Variants in MYO5B observed in about 807,000 individuals in gnomAD.
The protein encoded by MYO5B is myosin VB.
MYO5B carries 143 observed loss-of-function variants against 229.3 expected under a neutral mutation model. The observed-to-expected ratio is 0.62, with a 90% CI of 0.54 to 0.72. The LOEUF (loss-of-function observed/expected upper bound fraction) is 0.72. Among genes scored for constraint, MYO5B ranks in the 30% least tolerant of loss-of-function variants. MYO5B has a pLI of 0.00. For missense variants in MYO5B, 2,321 were observed against 2,331.0 expected (o/e 1.00, Z 0.09); for synonymous variants, 918 against 885.2 (o/e 1.04, Z -0.66).
At chr18:49,978,443 G>A (rs1302690346) in intron 9 of MYO5B, among the ~76,000 whole-genome samples, 7 of 151,842 alleles carry the variant, frequency 4.6e-5, no homozygotes, top group East Asian at 1.9e-4. Context: ...AGGTGTCCAC[G>A]GACTCCCCAG....
intron 1 of MYO5B, among the ~76,000 whole-genome samples, chr18:50,096,294 C>G (rs2031549158): frequency 6.6e-6 from 1 of 152,200 alleles, no homozygotes; most frequent in Non-Finnish European, 1.5e-5. Flanking sequence ...ACCCAACATC[C>G]AAGCCATCCC....
intron 1 of MYO5B, among the ~76,000 whole-genome samples, chr18:50,164,885 G>A: frequency 6.6e-6 from 1 of 152,210 alleles, no homozygotes; most frequent in East Asian, 1.9e-4. Flanking sequence ...AGCTGAAGTT[G>A]AGTTAAGAAA....
chr18:49,934,174 C>T (rs1568036633), intron 16 of MYO5B, among the ~76,000 whole-genome samples: 1 of 152,244 alleles, frequency 6.6e-6, no homozygotes. Flanking sequence ...CCACACCAGG[C>T]CCTCATCAGA....
At chr18:50,169,854 A>T (rs1289157370) in intron 1 of MYO5B, among the ~76,000 whole-genome samples, 1 of 127,036 alleles carries the variant, frequency 7.9e-6, no homozygotes, top group Non-Finnish European at 1.7e-5. Flanking sequence ...TAGAATACAG[A>T]TGTGAGGATC....
At chr18:49,970,290 GT>G (rs1345556186) in intron 10 of MYO5B, among the ~76,000 whole-genome samples, 12 of 152,200 alleles carry the variant, frequency 7.9e-5, no homozygotes, top group Non-Finnish European at 1.8e-4. Flanking sequence ...TGACTAAATT[GT>G]TCTGAGTACT....
intron 27 of MYO5B, among the ~76,000 whole-genome samples, chr18:49,869,182 C>A (rs541770669): frequency 2.6e-5 from 4 of 152,294 alleles, no homozygotes; most frequent in Non-Finnish European, 4.4e-5. Flanking sequence ...CCTTTGCACA[C>A]TTCAGAGCAT....
At chr18:49,832,621 A>G (rs904389625) in intron 39 of MYO5B, among the ~76,000 whole-genome samples, 19 of 152,224 alleles carry the variant, frequency 1.2e-4, no homozygotes, top group African/African-American at 4.6e-4. Flanking sequence ...AGATGGCTCT[A>G]TAGTGGCAGG....
chr18:49,868,933 A>C (rs1024962039), intron 27 of MYO5B, among the ~76,000 whole-genome samples: 2 of 152,218 alleles, frequency 1.3e-5, no homozygotes, highest in Admixed American at 1.3e-4. Context: ...GATCAGCAGA[A>C]ATTTCTAAAA....
At chr18:50,148,665 G>T (rs1188405533) in intron 1 of MYO5B, among the ~76,000 whole-genome samples, 2 of 151,992 alleles carry the variant, frequency 1.3e-5, no homozygotes, top group Non-Finnish European at 2.9e-5. Context: ...AATAAATTAG[G>T]TATTGATGGG....
At chr18:50,040,580 A>T (rs1216436105) in intron 2 of MYO5B, among the ~76,000 whole-genome samples, 3 of 152,196 alleles carry the variant, frequency 2.0e-5, no homozygotes, top group Non-Finnish European at 4.4e-5. Context: ...TAAGGGAAAA[A>T]TACTGAGTCT....
chr18:49,879,086 T>C lies in MYO5B; in HGVS notation c.3135A>G (p.Glu1045=). Residue 1045 remains glutamate, a synonymous_variant, in exon 24 of 40, where the codon GAA becomes GAG. Transcript: ENST00000285039. ...TTTCCTTCACAGAGTTCTGGGCAAATTCATCTGGAAAGCAACACGCTAAGC... is the reference window on the plus strand; with the variant it reads ...TTTCCTTCACAGAGTTCTGGGCAAACTCATCTGGAAAGCAACACGCTAAGC... ...NNQILCQSKD[E]FAQNSVKENL... 3.1e-6 allele frequency: 5 copies of C among 1,614,164 alleles called. No homozygotes were observed. The highest frequency in any genetic ancestry group is 4.2e-6 in the Non-Finnish European group (5 of 1,180,034).
intron 9 of MYO5B, among the ~76,000 whole-genome samples, 189 bp from the exon 10 acceptor site, chr18:49,974,804 C>G (rs60646556): frequency 2.0e-5 from 3 of 149,116 alleles, no homozygotes; most frequent in Admixed American, 2.0e-4. Context: ...CACAGACACA[C>G]ACACACACAC....
At chr18:49,847,746 T>C (rs1454987951) in intron 32 of MYO5B, among the ~76,000 whole-genome samples, 2 of 152,260 alleles carry the variant, frequency 1.3e-5, no homozygotes, top group Non-Finnish European at 2.9e-5. Flanking sequence ...GTTCCCTGTG[T>C]GTGGCCACAA....
intron 1 of MYO5B, among the ~76,000 whole-genome samples, chr18:50,139,270 C>T (rs1382583247): frequency 6.6e-6 from 1 of 152,174 alleles, no homozygotes; most frequent in Non-Finnish European, 1.5e-5. Context: ...TGCAGCTGAG[C>T]ATTAAGGTGA....
In MYO5B at chr18:50,103,064, G is replaced by A. The variant is rs539829342; in HGVS notation, c.28-47686C>T. Among the ~76,000 whole-genome samples the A allele has an allele frequency of 5.3e-5, 8 of 152,262 alleles. No homozygotes were observed. The East Asian group carries it at 7.7e-4, about 15-fold the overall frequency. Reference sequence around the variant, plus strand: ...CTCCTTCCCACTTCTCCCCTGCCCCGCCTGTCCTTGTTCTGACTGTGCTCA... The same window carrying A: ...CTCCTTCCCACTTCTCCCCTGCCCCACCTGTCCTTGTTCTGACTGTGCTCA... On this transcript the variant is annotated intron_variant, in intron 1 of 39. Coordinates refer to ENST00000285039, the MANE Select transcript of MYO5B (RefSeq NM_001080467.3).
chr18:50,139,800 G>A (rs1457719043), intron 1 of MYO5B, among the ~76,000 whole-genome samples: 1 of 152,040 alleles, frequency 6.6e-6, no homozygotes, highest in African/African-American at 2.4e-5. Context: ...CCCCCAACCA[G>A]CAAATTGTCC....
chr18:49,925,592 C>T (rs1412190891), intron 17 of MYO5B, among the ~76,000 whole-genome samples: 1 of 152,170 alleles, frequency 6.6e-6, no homozygotes, highest in African/African-American at 2.4e-5. Context: ...GGTTGCAGTG[C>T]ACAGTTCTGA....
chr18:49,863,121 G>A, intron 29 of MYO5B, 106 bp downstream of exon 29: 1 of 854,232 alleles, frequency 1.2e-6, no homozygotes, highest in Non-Finnish European at 2.0e-6. Context: ...ATAATTCTCT[G>A]ATGCTGAGCA....
chr18:49,864,139 AC>A lies in MYO5B; in HGVS notation c.3843+1del, dbSNP rs769773467. 2.1e-5 allele frequency: 33 copies of A among 1,607,534 alleles called. No homozygotes were observed. In the South Asian group the frequency reaches 3.4e-4, roughly 17 times the overall value. On this transcript the variant is annotated splice_donor_variant, in intron 28 of 39. Transcript: ENST00000285039. LOFTEE classifies it high-confidence loss of function. ...CCCCACCGCGGGCCGCCATCTTGTT[AC>A]CGCGTTCCTGCCGGCGAGTCGCCGC...
Sources: gnomAD v4.1 joint callset for allele counts (sites outside exome capture counted in the v4.1 genomes callset) on GRCh38, gnomAD v4.1.1 for gene constraint, MANE v1.5 for transcripts, NCBI Gene and HGNC (gene_info 2026-07-23, HGNC 2026-07-21) for gene names.